PITPNM2: variants seen among roughly 807,000 people sequenced by gnomAD.
PITPNM2 encodes the protein membrane-associated phosphatidylinositol transfer protein 2.
A neutral mutation model predicts 132.2 loss-of-function variants in PITPNM2; 35 were observed. The ratio of observed to expected loss-of-function variants is 0.26; its 90% confidence interval spans 0.20 to 0.35. The LOEUF (loss-of-function observed/expected upper bound fraction) is 0.35, where lower values mean the gene tolerates loss of function less well. PITPNM2 is among the 10% of genes least tolerant of loss of function. The pLI, the probability that PITPNM2 is intolerant of heterozygous loss-of-function variation, is 1.00. For synonymous variants in PITPNM2, 738 were observed against 799.2 expected, an observed-to-expected ratio of 0.92 and a Z score of 1.29; for missense variants, 1,332 against 1,912.0, an observed-to-expected ratio of 0.70 and a Z score of 5.66.
At chr12:123,044,448 G>A (rs938944517) in intron 2 of PITPNM2, among the ~76,000 whole-genome samples, 1 of 152,330 alleles carries the variant, frequency 6.6e-6, no homozygotes, top group South Asian at 2.1e-4. Flanking sequence ...TGTGCTGCAG[G>A]CCCTGTCCCA....
chr12:122,992,912 G>A lies in PITPNM2; in HGVS notation c.2234-243C>T, dbSNP rs950951127. Among the ~76,000 whole-genome samples, 2 of 152,060 alleles carry A rather than the reference G, an allele frequency of 1.3e-5. No homozygotes were observed. Among genetic ancestry groups the A allele is most frequent in the Admixed American group, 6.5e-5 (1 of 15,278 alleles). ...GCGATCTTGGTTCACTGTAGCCTCC[G>A]TCTCCTGGGCTCAAGTGATCCTACC... On this transcript the variant is annotated intron_variant, in intron 15 of 25. Coordinates refer to ENST00000320201, the MANE Select transcript of PITPNM2 (RefSeq NM_020845.3). This position sits in a 1 kb window ranked among gnomAD's most constrained non-coding sequence, Gnocchi z 6.5.
At chr12:123,139,334 A>G (rs565596531) in intron 1 of PITPNM2, among the ~76,000 whole-genome samples, 3 of 151,666 alleles carry the variant, frequency 2.0e-5, no homozygotes, top group African/African-American at 7.3e-5. Flanking sequence ...CCCTGTCTCT[A>G]CTAAAAACAC....
chr12:123,127,762 A>G (rs2043174681), intron 1 of PITPNM2, among the ~76,000 whole-genome samples: 1 of 151,982 alleles, frequency 6.6e-6, no homozygotes, highest in African/African-American at 2.4e-5. Context: ...GGCGCCCGCC[A>G]CCACGCCTGG....
chr12:123,143,998 T>C (rs983316787), intron 1 of PITPNM2, among the ~76,000 whole-genome samples: 1 of 152,260 alleles, frequency 6.6e-6, no homozygotes, highest in African/African-American at 2.4e-5. Context: ...GGATTCCATA[T>C]TTGTGAATTA....
chr12:123,018,859 CT>C (rs2039556966), intron 3 of PITPNM2, among the ~76,000 whole-genome samples: 1 of 146,180 alleles, frequency 6.8e-6, no homozygotes, highest in Admixed American at 6.9e-5. Context: ...TCTCAGCTCA[CT>C]GCAACCTCTG....
Position 123,066,409 on chromosome 12 carries a change from A to G in PITPNM2, c.-95-31724T>C, listed in dbSNP as rs370849537. ...TTGTGGGTACTCCCCACAACCCACA[A>G]ACTCATGAGCCAGCCAGGAGCAAGA... On this transcript the variant is annotated intron_variant, in intron 2 of 25. Coordinates refer to ENST00000320201, the MANE Select transcript of PITPNM2 (RefSeq NM_020845.3). Among the ~76,000 whole-genome samples the G allele has an allele frequency of 5.2e-3, 785 of 152,292 alleles. 3 individuals carry two copies. The highest frequency in any genetic ancestry group is 0.018 in the African/African-American group (758 of 41,550).
rs1409680770 is a variant in PITPNM2, at chr12:122,992,879, G to A, written c.2234-210C>T. On this transcript the variant is annotated intron_variant, in intron 15 of 25. Coordinates refer to ENST00000320201, the MANE Select transcript of PITPNM2 (RefSeq NM_020845.3). The surrounding 1 kb of genome is among the most constrained non-coding windows in gnomAD (Gnocchi z 6.5). ...CTTGCTCTGTCACCCAGGCTGGAGGGCAGTGGTGCGATCTTGGTTCACTGT... is the reference window on the plus strand; with the variant it reads ...CTTGCTCTGTCACCCAGGCTGGAGGACAGTGGTGCGATCTTGGTTCACTGT... 6.6e-6 allele frequency among the ~76,000 whole-genome samples: 1 copy of A among 152,162 alleles called. No homozygotes were observed. Among genetic ancestry groups the A allele is most frequent in the Non-Finnish European group, 1.5e-5 (1 of 68,028 alleles).
At position 122,984,820 on chromosome 12, in the gene PITPNM2, CA is replaced by C. The variant is rs1223294642; in HGVS notation, c.*1206del. The C allele has an allele frequency of 6.6e-6, 1 of 152,318 alleles. No individual in the cohort carries two copies. Among genetic ancestry groups the C allele is most frequent in the Non-Finnish European group, 1.5e-5 (1 of 68,104 alleles). The allele number at this position is 152,318 out of a possible 1,614,324, so 9.4% of individuals were successfully genotyped here. On this transcript the variant is annotated 3_prime_UTR_variant, in exon 26 of 26. Coordinates refer to ENST00000320201, the MANE Select transcript of PITPNM2 (RefSeq NM_020845.3). The stretch of plus-strand genomic sequence containing the variant: ...GGAGCTGGCCGTTGAGCGCCACAGC[CA>C]AGGTCACGCTTGGTGCTGGGGAGAG...
At chr12:122,996,050 C>G (rs2038414080) in intron 13 of PITPNM2, among the ~76,000 whole-genome samples, 1 of 152,318 alleles carries the variant, frequency 6.6e-6, no homozygotes, top group East Asian at 1.9e-4. Context: ...CCTCTGGGCA[C>G]CTATGCTGCC....
chr12:122,986,173 T>C lies in PITPNM2; in HGVS notation c.3904A>G (p.Ser1302Gly). 2.6e-6 allele frequency: 4 copies of C among 1,541,064 alleles called. No homozygotes were observed. Among genetic ancestry groups the C allele is most frequent in the Non-Finnish European group, 3.5e-6 (4 of 1,148,542 alleles). Residue 1302 changes from serine (S) to glycine (G), a missense_variant, in exon 26 of 26, where the codon AGC (serine) becomes GGC (glycine). By Grantham distance (56) the Ser-to-Gly change is moderately conservative. Coordinates refer to ENST00000320201, the MANE Select transcript of PITPNM2 (RefSeq NM_020845.3). ...CGCTCGTGCCGGTGGCTGGGCCCGC[T>C]GGGCTGGGCCGAGATGGTGCGAAGC... ...HLLRTISAQPSGPSHRHERTQ... is the reference protein window; with the variant it reads ...HLLRTISAQPGGPSHRHERTQ...
Position 122,989,868 on chromosome 12 carries a change from G to T in PITPNM2, c.2650C>A (p.Pro884Thr), listed in dbSNP as rs748555031. 7.4e-7 allele frequency: 1 copy of T among 1,353,024 alleles called. No homozygotes were observed. The highest frequency in any genetic ancestry group is 9.5e-7 in the Non-Finnish European group (1 of 1,047,430). The allele number at this position is 1,353,024 out of a possible 1,614,324, so 83.8% of individuals were successfully genotyped here. Residue 884 changes from proline (P) to threonine (T), a missense_variant, in exon 18 of 26, where the codon CCT (proline) becomes ACT (threonine). By Grantham distance (38) the Pro-to-Thr change is conservative. Transcript: ENST00000320201. ...TTCCTGGCTGGAGGGTGGGGGCCAG[G>T]GGTGGTGGGGCTGGGGGCGGGCAGG... ...LALPAPSPTT[P>T]GPHPPARKAS...
intron 2 of PITPNM2, among the ~76,000 whole-genome samples, chr12:123,057,218 T>A (rs1409103985): frequency 1.3e-5 from 2 of 151,788 alleles, no homozygotes; most frequent in Admixed American, 6.6e-5. Context: ...CCGTCTCTAC[T>A]AAAAATACAA....
intron 3 of PITPNM2, among the ~76,000 whole-genome samples, chr12:123,021,029 CAAAAA>C (rs910751492): frequency 3.2e-4 from 8 of 25,268 alleles, no homozygotes; most frequent in South Asian, 1.7e-3. Flanking sequence ...AATTCCATCT[CAAAAA>C]AAAAAAAAAA....
At chr12:123,038,618 G>A (rs544077312) in intron 2 of PITPNM2, among the ~76,000 whole-genome samples, 77 of 152,240 alleles carry the variant, frequency 5.1e-4, no homozygotes, top group Non-Finnish European at 6.9e-4. Flanking sequence ...CTGAGGGCGG[G>A]TGTGAGAAGT....
Position 122,996,487 on chromosome 12 carries a change from T to C in PITPNM2, c.1753A>G (p.Ser585Gly). Residue 585 changes from serine (S) to glycine (G), a missense_variant, in exon 13 of 26, where the codon AGC (serine) becomes GGC (glycine). Transcript: ENST00000320201. ...ATGCTGACCACGCTGCCCCGGCGGC[T>C]GCTGCTCTGACTCTCAGACACCGGC... ...NQPVSESQSSSRRGSVVSMQD... is the reference protein window; with the variant it reads ...NQPVSESQSSGRRGSVVSMQD... 1 of 1,613,130 alleles carries C rather than the reference T, an allele frequency of 6.2e-7. No homozygotes were observed. Among genetic ancestry groups the C allele is most frequent in the African/African-American group, 1.3e-5 (1 of 75,058 alleles).
At chr12:122,999,649 C>T (rs1035319622) in intron 10 of PITPNM2, among the ~76,000 whole-genome samples, 2 of 152,140 alleles carry the variant, frequency 1.3e-5, no homozygotes, top group Admixed American at 1.3e-4. Context: ...AGCCTCCCTA[C>T]ACTCAGCCTG....
At chr12:123,038,004 A>G (rs1163005571) in intron 2 of PITPNM2, among the ~76,000 whole-genome samples, 2 of 152,078 alleles carry the variant, frequency 1.3e-5, no homozygotes, top group East Asian at 3.9e-4. Flanking sequence ...CAGAGAGGGA[A>G]CACACACCTG....
chr12:122,987,621 C>T lies in PITPNM2; in HGVS notation c.3153G>A (p.Glu1051=), dbSNP rs141122543. The change falls in exon 22 of 26, where the codon GAG becomes GAA. Residue 1051 remains glutamate, a synonymous_variant. Coordinates refer to ENST00000320201, the MANE Select transcript of PITPNM2 (RefSeq NM_020845.3). ...TCACCAGCGTATCCAGGTAGAGCCA[C>T]TCGCCTGAGGGCGGCTGGGTCATGA... ...VHIMTQPPSG[E]WLYLDTLVTN... 1 of 1,613,774 alleles carries T rather than the reference C, an allele frequency of 6.2e-7. No individual in the cohort carries two copies. Among genetic ancestry groups the T allele is most frequent in the Admixed American group, 1.7e-5 (1 of 59,998 alleles).
chr12:123,073,025 C>G (rs1054964942), intron 2 of PITPNM2, among the ~76,000 whole-genome samples: 1 of 152,218 alleles, frequency 6.6e-6, no homozygotes, highest in African/African-American at 2.4e-5. Context: ...GCCTGCCCCC[C>G]TCCCCAGAGC....
Sources: allele counts gnomAD v4.1 joint callset (sites outside exome capture counted in the v4.1 genomes callset), GRCh38; gene constraint gnomAD v4.1.1; non-coding constraint Gnocchi (gnomAD v3.1); transcripts MANE v1.5; gene names NCBI Gene and HGNC (gene_info 2026-07-23, HGNC 2026-07-21).